The following PDE4B variants were observed in gnomAD, a reference collection of about 807,000 sequenced individuals.
PDE4B encodes the protein phosphodiesterase 4B.
In PDE4B, 20 loss-of-function variants were observed where a neutral mutation model predicts 82.2. That is an observed-to-expected ratio of 0.24 (90% CI 0.17 to 0.35). The LOEUF is 0.35. Among genes scored for constraint, PDE4B ranks in the 10% least tolerant of loss-of-function variants. The probability of loss-of-function intolerance (pLI) is 1.00; values close to 1 mark genes in which losing one functional copy is unlikely to be tolerated. For missense variants in PDE4B, 655 were observed against 907.2 expected (o/e 0.72, Z 3.57); for synonymous variants, 320 against 318.9 (o/e 1.00, Z -0.04).
chr1:66,368,704 A>G (rs1663436598), intron 15 of PDE4B, 83 bp from the exon 16 acceptor site: 1 of 1,054,826 alleles, frequency 9.5e-7, no homozygotes, highest in African/African-American at 1.6e-5. Flanking sequence ...TTTAGTACCA[A>G]GCGTACTAGT....
At chr1:66,005,405 A>G (rs1652095906) in intron 3 of PDE4B, among the ~76,000 whole-genome samples, 1 of 152,152 alleles carries the variant, frequency 6.6e-6, no homozygotes, top group Admixed American at 6.6e-5. Context: ...ATTGCTCTTT[A>G]TTTCTTGGTC....
At chr1:66,318,227 G>A (rs1429885008) in intron 7 of PDE4B, among the ~76,000 whole-genome samples, 1 of 152,104 alleles carries the variant, frequency 6.6e-6, no homozygotes, top group Non-Finnish European at 1.5e-5. Context: ...TGTAACTTTG[G>A]GCAGATTATG....
At chr1:66,236,546 A>T (rs551223958) in intron 3 of PDE4B, among the ~76,000 whole-genome samples, 8 of 152,088 alleles carry the variant, frequency 5.3e-5, no homozygotes, top group Non-Finnish European at 1.0e-4. Flanking sequence ...GAGATGATGA[A>T]TTCCTTCAAC....
At chr1:66,185,206 T>G (rs896283168) in intron 3 of PDE4B, among the ~76,000 whole-genome samples, 1 of 152,246 alleles carries the variant, frequency 6.6e-6, no homozygotes, top group African/African-American at 2.4e-5. Context: ...TTACATGGTG[T>G]ATATGTGCCT....
intron 3 of PDE4B, among the ~76,000 whole-genome samples, chr1:66,184,633 G>A (rs572621501): frequency 3.3e-5 from 5 of 152,176 alleles, no homozygotes; most frequent in South Asian, 2.1e-4. Flanking sequence ...CCTTCTTCAC[G>A]TGCTACAGTA....
rs1382395186 is a variant in PDE4B at position 66,018,537 on chromosome 1, CA to C, written c.281+99704del. Among the ~76,000 whole-genome samples, 5 of 151,984 alleles carry C rather than the reference CA, an allele frequency of 3.3e-5. No individual in the cohort carries two copies. The East Asian group carries it at 9.7e-4, about 29-fold the overall frequency. On this transcript the variant is annotated intron_variant, in intron 3 of 16. Transcript: ENST00000341517. The stretch of plus-strand genomic sequence containing the variant: ...TATTTTAATGTGCTTTGTGTAGATA[CA>C]ACAGAAATATCAAAGGACAATTCCA...
chr1:66,037,878 C>A (rs1272073433), intron 3 of PDE4B, among the ~76,000 whole-genome samples: 2 of 151,956 alleles, frequency 1.3e-5, no homozygotes, highest in African/African-American at 2.4e-5. Flanking sequence ...GAAAATAAAA[C>A]AAAATATATT....
intron 7 of PDE4B, among the ~76,000 whole-genome samples, chr1:66,274,341 T>TA (rs1491436401): frequency 5.4e-5 from 7 of 130,146 alleles, no homozygotes; most frequent in African/African-American, 1.6e-4. Context: ...TTTTTTTTTT[T>TA]TATATATTTT....
chr1:66,028,978 T>G (rs2100791419), intron 3 of PDE4B, among the ~76,000 whole-genome samples: 1 of 152,322 alleles, frequency 6.6e-6, no homozygotes, highest in South Asian at 2.1e-4. Flanking sequence ...AGTTCCAAAG[T>G]CACTTCCACA....
chr1:65,838,256 T>C (rs1314764402), intron 1 of PDE4B, among the ~76,000 whole-genome samples: 3 of 152,080 alleles, frequency 2.0e-5, no homozygotes, highest in Non-Finnish European at 4.4e-5. Context: ...AATGCATTTG[T>C]TATTTTGTGT....
rs79798023 is a variant in PDE4B at position 65,867,813 on chromosome 1, T to C, written c.-70-45432T>C. Reference sequence around the variant, plus strand: ...CTTCAGATAGAAGCAGATGCCAATCTGTCAACTAACATGTATTTATTGATT... The same window carrying C: ...CTTCAGATAGAAGCAGATGCCAATCCGTCAACTAACATGTATTTATTGATT... On this transcript the variant is annotated intron_variant, in intron 1 of 16. Transcript: ENST00000341517. Among the ~76,000 whole-genome samples, 131 of 152,314 alleles carry C rather than the reference T, an allele frequency of 8.6e-4. 2 individuals carry two copies. The East Asian group carries it at 0.025, about 28-fold the overall frequency.
intron 8 of PDE4B, among the ~76,000 whole-genome samples, chr1:66,348,462 A>C (rs1164279674): frequency 4.6e-5 from 7 of 152,140 alleles, no homozygotes. Context: ...TATGAAATGA[A>C]ATTGTGATGC....
intron 1 of PDE4B, among the ~76,000 whole-genome samples, chr1:65,855,976 T>G (rs187469675): frequency 1.3e-4 from 20 of 152,274 alleles, no homozygotes; most frequent in Non-Finnish European, 2.4e-4. Context: ...GTTTTCTTTT[T>G]GTTTACAGTG....
At chr1:65,987,509 G>A (rs1470867051) in intron 3 of PDE4B, among the ~76,000 whole-genome samples, 1 of 152,202 alleles carries the variant, frequency 6.6e-6, no homozygotes, top group East Asian at 1.9e-4. Context: ...AGCTTGGATA[G>A]CATTGGTGAA....
chr1:66,190,347 A>G (rs1448808887), intron 3 of PDE4B, among the ~76,000 whole-genome samples: 1 of 152,158 alleles, frequency 6.6e-6, no homozygotes, highest in Non-Finnish European at 1.5e-5. Context: ...GAGAACCACT[A>G]TTCTCTTCAA....
intron 1 of PDE4B, among the ~76,000 whole-genome samples, chr1:65,847,231 T>A (rs77693582): frequency 0.023 from 3,452 of 152,348 alleles, 100 homozygotes; most frequent in East Asian, 0.081. Context: ...ACATTTTCCA[T>A]GGGCTCATTT....
At chr1:65,996,397 C>A (rs942776215) in intron 3 of PDE4B, among the ~76,000 whole-genome samples, 3 of 151,648 alleles carry the variant, frequency 2.0e-5, no homozygotes, top group Non-Finnish European at 4.4e-5. Flanking sequence ...GCGTAAGAGC[C>A]TGCATGAATC....
intron 1 of PDE4B, among the ~76,000 whole-genome samples, chr1:65,890,205 T>A (rs1356032520): frequency 6.6e-6 from 1 of 152,096 alleles, no homozygotes; most frequent in Admixed American, 6.6e-5. Context: ...GGTTGATTAT[T>A]TGACTTAAAT....
At chr1:66,089,819 T>A (rs1162719216) in intron 3 of PDE4B, among the ~76,000 whole-genome samples, 2 of 152,094 alleles carry the variant, frequency 1.3e-5, no homozygotes, top group Non-Finnish European at 2.9e-5. Flanking sequence ...ACAGGATAAT[T>A]CTACATCAAA....
Sources: allele counts gnomAD v4.1 joint callset (sites outside exome capture counted in the v4.1 genomes callset), GRCh38; gene constraint gnomAD v4.1.1; transcripts MANE v1.5; gene names NCBI Gene and HGNC (gene_info 2026-07-23, HGNC 2026-07-21).